Variants in PTPRM observed in about 807,000 individuals in gnomAD.
PTPRM encodes protein tyrosine phosphatase receptor type M.
Under a neutral mutation model 186.7 loss-of-function variants are expected in PTPRM, and 47 were observed. That is an observed-to-expected ratio of 0.25 (90% confidence interval 0.20 to 0.32). The LOEUF (loss-of-function observed/expected upper bound fraction) is 0.32, where lower values mean the gene tolerates loss of function less well. PTPRM is among the 10% of genes least tolerant of loss of function. PTPRM has a pLI of 1.00. For missense variants in PTPRM, 1,494 were observed against 1,865.0 expected (o/e 0.80, Z 3.66); for synonymous variants, 668 against 674.9 (o/e 0.99, Z 0.16).
intron 2 of PTPRM, among the ~76,000 whole-genome samples, chr18:7,876,962 G>A (rs1047853041): frequency 1.7e-4 from 26 of 152,066 alleles, no homozygotes; most frequent in East Asian, 1.2e-3. Flanking sequence ...CCTGAGTTCT[G>A]TCCTTGTCTG....
intron 1 of PTPRM, among the ~76,000 whole-genome samples, chr18:7,705,722 T>G (rs367886647): frequency 1.3e-5 from 2 of 151,834 alleles, no homozygotes; most frequent in East Asian, 1.9e-4. Context: ...CTTTACTTTC[T>G]TTCTTTTTCT....
At chr18:8,212,292 G>A (rs2146971302) in intron 14 of PTPRM, among the ~76,000 whole-genome samples, 1 of 152,232 alleles carries the variant, frequency 6.6e-6, no homozygotes, top group African/African-American at 2.4e-5. Flanking sequence ...GTGTGCCAGT[G>A]CCACCCCAGA....
At chr18:8,006,045 A>T (rs552192680) in intron 7 of PTPRM, among the ~76,000 whole-genome samples, 2 of 152,262 alleles carry the variant, frequency 1.3e-5, no homozygotes, top group East Asian at 3.9e-4. Context: ...GGGTTGCCTG[A>T]TGCTGCTGGA....
chr18:7,647,211 A>G (rs1245227292), intron 1 of PTPRM, among the ~76,000 whole-genome samples: 1 of 152,200 alleles, frequency 6.6e-6, no homozygotes, highest in Non-Finnish European at 1.5e-5. Context: ...CAAAACTCTG[A>G]TGAAATATGA....
intron 7 of PTPRM, among the ~76,000 whole-genome samples, chr18:7,973,929 T>C (rs1018847772): frequency 7.9e-5 from 12 of 152,050 alleles, no homozygotes; most frequent in African/African-American, 2.7e-4. Context: ...TTAGAACTTA[T>C]TTTTATACTT....
intron 19 of PTPRM, among the ~76,000 whole-genome samples, chr18:8,290,593 C>T (rs949490128): frequency 6.6e-6 from 1 of 152,096 alleles, no homozygotes; most frequent in African/African-American, 2.4e-5. Context: ...TGACAGTATG[C>T]AGGATGTTCA....
At chr18:7,650,277 A>T (rs1176120578) in intron 1 of PTPRM, among the ~76,000 whole-genome samples, 2 of 152,224 alleles carry the variant, frequency 1.3e-5, no homozygotes, top group African/African-American at 4.8e-5. Flanking sequence ...GATAAAAGGT[A>T]GATTTTAACC....
intron 4 of PTPRM, among the ~76,000 whole-genome samples, chr18:7,918,421 A>G (rs1441850561): frequency 6.6e-6 from 1 of 152,190 alleles, no homozygotes; most frequent in Non-Finnish European, 1.5e-5. Context: ...TCATTTTGAT[A>G]AAAGCCATCA....
chr18:8,169,318 C>T (rs185516488), intron 14 of PTPRM, among the ~76,000 whole-genome samples: 99 of 150,036 alleles, frequency 6.6e-4, no homozygotes, highest in African/African-American at 2.4e-3. Context: ...AAAGTTACAT[C>T]TTCAAAAATA....
intron 2 of PTPRM, among the ~76,000 whole-genome samples, chr18:7,842,910 A>ATGTGTGTG (rs1285423674): frequency 5.7e-4 from 61 of 107,010 alleles, no homozygotes; most frequent in African/African-American, 2.4e-3. Context: ...TGTTTCTCAT[A>ATGTGTGTG]TGTGTGTGTG....
At chr18:8,130,915 T>C (rs959506280) in intron 13 of PTPRM, among the ~76,000 whole-genome samples, 2 of 152,182 alleles carry the variant, frequency 1.3e-5, no homozygotes, top group African/African-American at 4.8e-5. Flanking sequence ...TTTCTTTACC[T>C]CATAGTTAGT....
intron 2 of PTPRM, among the ~76,000 whole-genome samples, chr18:7,868,355 TG>T (rs201324793): frequency 0.02 from 3,092 of 152,328 alleles, 93 homozygotes; most frequent in African/African-American, 0.071. Flanking sequence ...TCTTTGATGT[TG>T]GTTGGCCTTT....
intron 10 of PTPRM, 130 bp from the exon 11 acceptor site, chr18:8,088,619 T>G (rs1362186774): frequency 4.3e-6 from 3 of 703,610 alleles, no homozygotes; most frequent in Non-Finnish European, 7.5e-6. Flanking sequence ...AGCTTGCTCG[T>G]GGTTGTTGAT....
At chr18:8,280,578 C>T (rs191837724) in intron 19 of PTPRM, among the ~76,000 whole-genome samples, 20 of 152,246 alleles carry the variant, frequency 1.3e-4, no homozygotes, top group Admixed American at 9.2e-4. Context: ...AAAATGGTTG[C>T]TCCAAGGCAC....
At chr18:8,313,739 C>A (rs568862949) in intron 20 of PTPRM, among the ~76,000 whole-genome samples, 27 of 152,170 alleles carry the variant, frequency 1.8e-4, no homozygotes, top group East Asian at 1.4e-3. Context: ...CTCCCTTACC[C>A]CCTTCTCCCC....
At position 8,356,720 on chromosome 18, in the gene PTPRM, G is replaced by A. The variant is rs552614353; in HGVS notation, c.3054+13200G>A. Among the ~76,000 whole-genome samples the A allele has an allele frequency of 1.3e-4, 20 of 152,274 alleles. 1 individual carries two copies. The highest frequency in any genetic ancestry group is 1.2e-3 in the East Asian group (6 of 5,180). On this transcript the variant is annotated intron_variant, in intron 23 of 32. Transcript: ENST00000580170. ...AGATATAAGTGAGACTCCAGTTGGCGGCTACAGGATGCAGGTAGGTGGAAT... is the reference window on the plus strand; with the variant it reads ...AGATATAAGTGAGACTCCAGTTGGCAGCTACAGGATGCAGGTAGGTGGAAT...
At chr18:7,605,682 C>G (rs1412236965) in intron 1 of PTPRM, among the ~76,000 whole-genome samples, 2 of 152,142 alleles carry the variant, frequency 1.3e-5, no homozygotes, top group African/African-American at 4.8e-5. Context: ...TACTTATTTG[C>G]AATGTTACCT....
chr18:8,117,851 T>C (rs567459728), intron 13 of PTPRM, among the ~76,000 whole-genome samples: 3 of 152,240 alleles, frequency 2.0e-5, no homozygotes, highest in Admixed American at 6.5e-5. Flanking sequence ...GTGAATAGAG[T>C]AGCTTTTAAA....
intron 2 of PTPRM, among the ~76,000 whole-genome samples, chr18:7,881,103 A>G (rs2048484818): frequency 6.6e-6 from 1 of 152,148 alleles, no homozygotes; most frequent in South Asian, 2.1e-4. Context: ...AAATGTATAT[A>G]GAGACATGTC....
Sources: gnomAD v4.1 joint callset for allele counts (sites outside exome capture counted in the v4.1 genomes callset) on GRCh38, gnomAD v4.1.1 for gene constraint, MANE v1.5 for transcripts, NCBI Gene and HGNC (gene_info 2026-07-23, HGNC 2026-07-21) for gene names.